Variants in CPA4 observed in about 807,000 individuals in gnomAD.
CPA4 encodes carboxypeptidase A4, also known as carboxypeptidase A3.
Under a neutral mutation model 54.7 loss-of-function variants are expected in CPA4, and 49 were observed. The ratio of observed to expected loss-of-function variants is 0.90; its 90% CI spans 0.71 to 1.14. The LOEUF is 1.14. Ranked by LOEUF, CPA4 falls within the 50% of genes most tolerant of loss-of-function variation. CPA4 has a pLI of 0.00. For synonymous variants in CPA4, 215 were observed against 206.8 expected (o/e 1.04, Z -0.34); for missense variants, 487 against 525.1 (o/e 0.93, Z 0.71).
In CPA4 at chr7:130,306,850, T is replaced by C. The variant is rs760581415; in HGVS notation, c.655T>C (p.Leu219=). Residue 219 remains leucine (L), a synonymous_variant, in exon 7 of 11, where the codon TTG becomes CTG. Coordinates refer to ENST00000222482, the MANE Select transcript of CPA4 (RefSeq NM_016352.4). ...TSILEKMDIF[L]LPVANPDGYV... ...CATCTTGGAGAAAATGGATATTTTC[T>C]TGTTGCCTGTGGCCAATCCTGATGG... 1 of 1,612,396 alleles carries C rather than the reference T, an allele frequency of 6.2e-7. No homozygotes were observed. The highest frequency in any genetic ancestry group is 1.1e-5 in the South Asian group (1 of 91,054).
intron 1 of CPA4, among the ~76,000 whole-genome samples, chr7:130,293,889 G>A (rs745680390): frequency 2.4e-4 from 37 of 152,040 alleles, no homozygotes; most frequent in Non-Finnish European, 4.6e-4. Context: ...GTGTGTGTGC[G>A]CGTGTGTGTG....
intron 4 of CPA4, among the ~76,000 whole-genome samples, chr7:130,302,412 C>G (rs1258883255): frequency 2.0e-5 from 3 of 151,738 alleles, no homozygotes; most frequent in African/African-American, 7.3e-5. Flanking sequence ...TCACTTGAAA[C>G]CGGGAGGCGG....
At position 130,310,181 on chromosome 7, in the gene CPA4, T is replaced by C. The variant is rs535215441; in HGVS notation, c.794-606T>C. On this transcript the variant is annotated intron_variant, in intron 8 of 10. Coordinates refer to ENST00000222482, the MANE Select transcript of CPA4 (RefSeq NM_016352.4). This position sits in a 1 kb window ranked among gnomAD's most constrained non-coding sequence, Gnocchi z 4.3. ...TGATACAAATGTGGGAACTCAGAGC[T>C]TCAAAGTTAAGTCAGATATTCCCAC... 4.6e-5 allele frequency among the ~76,000 whole-genome samples: 7 copies of C among 152,264 alleles called. No homozygotes were observed. The South Asian group carries it at 1.5e-3, about 32-fold the overall frequency.
At chr7:130,312,535 G>T (rs1355398321) in intron 10 of CPA4, among the ~76,000 whole-genome samples, 1 of 152,188 alleles carries the variant, frequency 6.6e-6, no homozygotes, top group Non-Finnish European at 1.5e-5. Context: ...GACCTGGTGG[G>T]AGGTAATTGA....
intron 10 of CPA4, among the ~76,000 whole-genome samples, chr7:130,316,748 G>T (rs552874788): frequency 5.3e-5 from 8 of 152,118 alleles, no homozygotes; most frequent in African/African-American, 1.9e-4. Flanking sequence ...GACCAGCTTG[G>T]CCAACATGGT....
Position 130,308,287 on chromosome 7 carries a change from C to T in CPA4, c.703-20C>T, listed in dbSNP as rs894902018. On this transcript the variant is annotated intron_variant, in intron 7 of 10. Transcript: ENST00000222482. ...TGATCTGCCTCTGGTTGTTTGTCCCCTCCTTGGTGGCTTTTTCAGAACCGA... is the reference window on the plus strand; with the variant it reads ...TGATCTGCCTCTGGTTGTTTGTCCCTTCCTTGGTGGCTTTTTCAGAACCGA... The T allele has an allele frequency of 3.7e-6, 6 of 1,610,232 alleles. No homozygotes were observed. Among genetic ancestry groups the T allele is most frequent in the Admixed American group, 3.3e-5 (2 of 60,030 alleles).
chr7:130,303,401 A>G (rs1334575444), intron 4 of CPA4, among the ~76,000 whole-genome samples: 2 of 152,226 alleles, frequency 1.3e-5, no homozygotes, highest in Non-Finnish European at 2.9e-5. Context: ...ACTGGGATGA[A>G]GGAAGAAACA....
chr7:130,300,962 T>TTTTGTAAC (rs1189575371), intron 4 of CPA4, 48 bp downstream of exon 4: 1 of 1,190,068 alleles, frequency 8.4e-7, no homozygotes, highest in Admixed American at 1.7e-5. Flanking sequence ...GCCTCCTGAA[T>TTTTGTAAC]TTTGTAACCT....
In CPA4 at chr7:130,310,903, T is replaced by G; in HGVS notation, c.910T>G (p.Phe304Val). ...FIQKHGNFKG[F>V]IDLHSYSQLL... ...CCAAAAACATGGGAATTTCAAGGGCTTCATCGACCTGCACAGCTACTCGCA... is the reference window on the plus strand; with the variant it reads ...CCAAAAACATGGGAATTTCAAGGGCGTCATCGACCTGCACAGCTACTCGCA... Residue 304 changes from phenylalanine to valine, a missense_variant, in exon 9 of 11, where the codon TTC (phenylalanine) becomes GTC (valine). Phe to Val is a conservative substitution (Grantham distance 50). Coordinates refer to ENST00000222482, the MANE Select transcript of CPA4 (RefSeq NM_016352.4). This position sits in a 1 kb window ranked among gnomAD's most constrained non-coding sequence, Gnocchi z 4.3. 1.2e-6 allele frequency: 2 copies of G among 1,614,188 alleles called. No homozygotes were observed. The highest frequency in any genetic ancestry group is 1.7e-6 in the Non-Finnish European group (2 of 1,180,018).
In CPA4 at chr7:130,306,529, C is replaced by T. The variant is rs562813785; in HGVS notation, c.592-258C>T. ...CCTCCTGGAAGGAAGGAATAAAGCA[C>T]GTACCCCAGGACTCACTGCAGTTGA... On this transcript the variant is annotated intron_variant, in intron 6 of 10. Coordinates refer to ENST00000222482, the MANE Select transcript of CPA4 (RefSeq NM_016352.4). Among the ~76,000 whole-genome samples the T allele has an allele frequency of 5.3e-5, 8 of 152,264 alleles. No homozygotes were observed. In the South Asian group the frequency reaches 1.0e-3, roughly 20 times the overall value.
intron 1 of CPA4, among the ~76,000 whole-genome samples, chr7:130,295,295 G>T (rs558201708): frequency 6.6e-6 from 1 of 152,240 alleles, no homozygotes; most frequent in Non-Finnish European, 1.5e-5. Context: ...GGTATTGACT[G>T]TCCAAAGCAC....
intron 10 of CPA4, 45 bp from the exon 11 acceptor site, chr7:130,322,444 A>C (rs1315605897): frequency 1.3e-6 from 2 of 1,550,286 alleles, no homozygotes; most frequent in Non-Finnish European, 1.8e-6. Context: ...CATCTAACCC[A>C]GGAGGGAACT....
chr7:130,297,583 C>T (rs766720550), intron 1 of CPA4, among the ~76,000 whole-genome samples: 1 of 152,142 alleles, frequency 6.6e-6, no homozygotes, highest in Non-Finnish European at 1.5e-5. Flanking sequence ...CTGGCCTAGA[C>T]CCACTGGAGA....
chr7:130,308,242 C>T, intron 7 of CPA4, 65 bp from the exon 8 acceptor site: 1 of 1,397,490 alleles, frequency 7.2e-7, no homozygotes, highest in Non-Finnish European at 1.0e-6. Flanking sequence ...TCATCTCCAC[C>T]CTAGCCCTCT....
rs1037775446 is a variant in CPA4, at chr7:130,322,929, C to T, written c.*253C>T. 4 of 398,522 alleles carry T rather than the reference C, an allele frequency of 1.0e-5. No individual in the cohort carries two copies. The highest frequency in any genetic ancestry group is 8.1e-5 in the African/African-American group (4 of 49,600). The allele number at this position is 398,522 out of a possible 1,614,324, so 24.7% of individuals were successfully genotyped here. ...GCCTTTTGTCTGTTTCTCCTTCCAC[C>T]CTGCTGGCTGGGCGGCTGCACTCAG... On this transcript the variant is annotated 3_prime_UTR_variant, in exon 11 of 11. Coordinates refer to ENST00000222482, the MANE Select transcript of CPA4 (RefSeq NM_016352.4).
Position 130,310,936 on chromosome 7 carries a change from AT to A in CPA4, c.944del (p.Met315SerfsTer69). On this transcript the variant is annotated frameshift_variant, in exon 9 of 11. Coordinates refer to ENST00000222482, the MANE Select transcript of CPA4 (RefSeq NM_016352.4). LOFTEE classifies it high-confidence loss of function. The surrounding 1 kb of genome is among the most constrained non-coding windows in gnomAD (Gnocchi z 4.3). ...IDLHSYSQLL[M>X]YPYGYSVKKA... Reference sequence around the variant, plus strand: ...CCTGCACAGCTACTCGCAGCTGCTGATGTATCCATATGGGTACTCAGTCAAA... The same window carrying A: ...CCTGCACAGCTACTCGCAGCTGCTGAGTATCCATATGGGTACTCAGTCAAA... 1 of 1,614,144 alleles carries A rather than the reference AT, an allele frequency of 6.2e-7. No homozygotes were observed. Among genetic ancestry groups the A allele is most frequent in the East Asian group, 2.2e-5 (1 of 44,884 alleles).
chr7:130,309,141 C>T (rs938231977), intron 8 of CPA4, among the ~76,000 whole-genome samples: 8 of 152,192 alleles, frequency 5.3e-5, no homozygotes, highest in Non-Finnish European at 7.3e-5. Flanking sequence ...CCATCGCATC[C>T]GGACTGTTTG....
intron 5 of CPA4, among the ~76,000 whole-genome samples, chr7:130,305,518 G>T (rs935279501): frequency 1.3e-5 from 2 of 152,202 alleles, no homozygotes; most frequent in Non-Finnish European, 2.9e-5. Flanking sequence ...TCTTTCAAGA[G>T]ACATAACATT....
At chr7:130,297,604 C>T (rs1051942218) in intron 1 of CPA4, among the ~76,000 whole-genome samples, 14 of 152,170 alleles carry the variant, frequency 9.2e-5, no homozygotes, top group Non-Finnish European at 4.4e-5. Flanking sequence ...GCCCCTAGAA[C>T]CTTCCAGAAC....
Sources: gnomAD v4.1 joint callset for allele counts (sites outside exome capture counted in the v4.1 genomes callset) on GRCh38, gnomAD v4.1.1 for gene constraint, Gnocchi (gnomAD v3.1) non-coding constraint, MANE v1.5 for transcripts, NCBI Gene and HGNC (gene_info 2026-07-23, HGNC 2026-07-21) for gene names.